MYO5A: variants seen among roughly 807,000 people sequenced by gnomAD.
MYO5A encodes myosin VA.
In MYO5A, 98 loss-of-function variants were observed where a neutral mutation model predicts 249.7. The observed-to-expected ratio is 0.39, with a 90% CI of 0.33 to 0.46. The LOEUF (loss-of-function observed/expected upper bound fraction) is 0.46, where lower values mean the gene tolerates loss of function less well. Among genes scored for constraint, MYO5A ranks in the 20% least tolerant of loss-of-function variants. The pLI, the probability that MYO5A is intolerant of heterozygous loss-of-function variation, is 0.98. For synonymous variants in MYO5A, 778 were observed against 810.6 expected (o/e 0.96, Z 0.68); for missense variants, 1,696 against 2,308.8 (o/e 0.73, Z 5.44).
intron 1 of MYO5A, among the ~76,000 whole-genome samples, chr15:52,484,701 G>A (rs888826248): frequency 1.3e-5 from 2 of 152,050 alleles, no homozygotes; most frequent in East Asian, 1.9e-4. Flanking sequence ...CTGGAGTGCA[G>A]TGGCATGATC....
At chr15:52,327,806 C>T in intron 36 of MYO5A, 46 bp downstream of exon 36, 1 of 1,555,026 alleles carries the variant, frequency 6.4e-7, no homozygotes, top group Non-Finnish European at 8.9e-7. Context: ...CAGATTCTGT[C>T]ATCATTAACA....
chr15:52,343,268 A>G, intron 30 of MYO5A, 71 bp from the exon 31 acceptor site: 2 of 1,213,396 alleles, frequency 1.6e-6, no homozygotes, highest in Non-Finnish European at 2.5e-6. Context: ...ACGATGGTCA[A>G]CAGCAGCATG....
chr15:52,461,100 G>A (rs542540856), intron 1 of MYO5A, among the ~76,000 whole-genome samples: 172 of 152,128 alleles, frequency 1.1e-3, no homozygotes, highest in Non-Finnish European at 1.5e-3. Context: ...CTACAGGCAC[G>A]TGCCACCATG....
intron 33 of MYO5A, among the ~76,000 whole-genome samples, chr15:52,337,397 T>C (rs568450109): frequency 6.6e-6 from 1 of 152,324 alleles, no homozygotes; most frequent in African/African-American, 2.4e-5. Context: ...GAGTCAGCAA[T>C]GTGTGTGGTC....
chr15:52,332,486 C>T (rs1308870480), intron 34 of MYO5A, among the ~76,000 whole-genome samples: 1 of 152,130 alleles, frequency 6.6e-6, no homozygotes, highest in East Asian at 1.9e-4. Context: ...TGCAAAATCT[C>T]TAACCAGGAT....
chr15:52,473,485 A>G (rs1321427472), intron 1 of MYO5A, among the ~76,000 whole-genome samples: 2 of 152,192 alleles, frequency 1.3e-5, no homozygotes, highest in African/African-American at 4.8e-5. Context: ...TATGTCCTGA[A>G]TGGTATTGCC....
intron 1 of MYO5A, among the ~76,000 whole-genome samples, chr15:52,468,769 G>A (rs542064063): frequency 2.0e-5 from 3 of 152,248 alleles, no homozygotes; most frequent in Admixed American, 2.0e-4. Flanking sequence ...TGGACAAACA[G>A]GTATTTTCAT....
At chr15:52,395,735 TG>T (rs1448314103) in intron 11 of MYO5A, among the ~76,000 whole-genome samples, 1 of 152,200 alleles carries the variant, frequency 6.6e-6, no homozygotes, top group African/African-American at 2.4e-5. Context: ...AGTTCACCTC[TG>T]GGCTCTGTGT....
At chr15:52,506,124 G>A (rs1286221171) in intron 1 of MYO5A, among the ~76,000 whole-genome samples, 1 of 152,132 alleles carries the variant, frequency 6.6e-6, no homozygotes, top group South Asian at 2.1e-4. Context: ...GGCCGAGGCA[G>A]GCAGATCACG....
intron 1 of MYO5A, among the ~76,000 whole-genome samples, chr15:52,501,348 C>T (rs1233879038): frequency 6.6e-6 from 1 of 152,040 alleles, no homozygotes; most frequent in Non-Finnish European, 1.5e-5. Flanking sequence ...GCCTGTTATC[C>T]CACCATTTTG....
chr15:52,415,737 T>A (rs2043450943), intron 5 of MYO5A, among the ~76,000 whole-genome samples: 1 of 152,214 alleles, frequency 6.6e-6, no homozygotes, highest in African/African-American at 2.4e-5. Context: ...TACTTGAGCA[T>A]AACAAATCTT....
At chr15:52,406,883 T>A (rs2043026741) in intron 8 of MYO5A, among the ~76,000 whole-genome samples, 1 of 152,056 alleles carries the variant, frequency 6.6e-6, no homozygotes, top group African/African-American at 2.4e-5. Flanking sequence ...AACCAATAGC[T>A]CCTACAAAAT....
chr15:52,505,850 T>A lies in MYO5A; in HGVS notation c.27+22930A>T, dbSNP rs531096087. 437 of 1,582,476 alleles carry A rather than the reference T, an allele frequency of 2.8e-4. No individual in the cohort carries two copies. In the African/African-American group the frequency reaches 5.4e-3, roughly 19 times the overall value. ...GTGCAGCCCATGGATGTGGCTGCTT[T>A]CAACAAGATCTAAAATCCATCCTGG... On this transcript the variant is annotated intron_variant, in intron 1 of 41. Transcript: ENST00000399233.
intron 2 of MYO5A, among the ~76,000 whole-genome samples, chr15:52,430,117 G>A (rs557936283): frequency 3.3e-5 from 5 of 152,278 alleles, no homozygotes; most frequent in East Asian, 3.9e-4. Context: ...ATATTTGAAC[G>A]AATTATGCTA....
At chr15:52,320,876 G>C (rs915942873) in intron 38 of MYO5A, among the ~76,000 whole-genome samples, 1 of 152,080 alleles carries the variant, frequency 6.6e-6, no homozygotes, top group Non-Finnish European at 1.5e-5. Context: ...AACTGGGCGT[G>C]GTGGCAGGCA....
At chr15:52,337,940 C>G (rs757821031) in intron 32 of MYO5A, 56 bp from the exon 33 acceptor site, 6 of 1,200,448 alleles carry the variant, frequency 5.0e-6, no homozygotes, top group Non-Finnish European at 7.0e-6. Context: ...GAGGGAAATG[C>G]TATCTTTCAG....
intron 8 of MYO5A, 79 bp from the exon 9 acceptor site, chr15:52,405,472 A>G: frequency 9.5e-7 from 1 of 1,054,198 alleles, no homozygotes; most frequent in Non-Finnish European, 1.4e-6. Context: ...TTTTAAGCCT[A>G]TTGTTAATTC....
chr15:52,523,398 A>G (rs553199806), intron 1 of MYO5A, among the ~76,000 whole-genome samples: 4 of 152,316 alleles, frequency 2.6e-5, no homozygotes, highest in African/African-American at 7.2e-5. Flanking sequence ...TGATCATGCC[A>G]AACCATTATT....
intron 14 of MYO5A, among the ~76,000 whole-genome samples, chr15:52,386,018 C>T (rs1442752802): frequency 6.6e-6 from 1 of 152,102 alleles, no homozygotes; most frequent in Non-Finnish European, 1.5e-5. Flanking sequence ...TCAAAGATGC[C>T]TCAAGAATGA....
Sources: allele counts gnomAD v4.1 joint callset (sites outside exome capture counted in the v4.1 genomes callset), GRCh38; gene constraint gnomAD v4.1.1; transcripts MANE v1.5; gene names NCBI Gene and HGNC (gene_info 2026-07-23, HGNC 2026-07-21).